The following RIPOR2 variants were observed in gnomAD, a reference collection of about 807,000 sequenced individuals.
RIPOR2 encodes RHO family interacting cell polarization regulator 2, also known as rho family-interacting cell polarization regulator 2.
Under a neutral mutation model 114.5 loss-of-function variants are expected in RIPOR2, and 39 were observed. The ratio of observed to expected loss-of-function variants is 0.34; its 90% CI spans 0.26 to 0.44. The LOEUF (loss-of-function observed/expected upper bound fraction) is 0.44. Among genes scored for constraint, RIPOR2 ranks in the 20% least tolerant of loss-of-function variants. RIPOR2 has a pLI of 1.00. For missense variants in RIPOR2, 1,007 were observed against 1,255.1 expected, an observed-to-expected ratio of 0.80 and a Z score of 2.99; for synonymous variants, 445 against 484.4, an observed-to-expected ratio of 0.92 and a Z score of 1.07.
intron 1 of RIPOR2, chr6:24,910,674 G>A (rs961685424): frequency 1.8e-5 from 6 of 340,690 alleles, no homozygotes; most frequent in Non-Finnish European, 2.5e-5. Context: ...CCACCAGGGT[G>A]GTGGAAGCTG....
chr6:24,866,693 C>G (rs1764640658), intron 6 of RIPOR2, among the ~76,000 whole-genome samples: 1 of 151,962 alleles, frequency 6.6e-6, no homozygotes, highest in Non-Finnish European at 1.5e-5. Flanking sequence ...ATATTTATCT[C>G]TATAAGTCTG....
chr6:24,958,062 A>T (rs2114215495), intron 1 of RIPOR2, among the ~76,000 whole-genome samples: 1 of 152,318 alleles, frequency 6.6e-6, no homozygotes, highest in African/African-American at 2.4e-5. Context: ...ATATAATCTA[A>T]GAGAACAAAA....
At chr6:24,820,869 CTTTTT>C (rs34770819) in intron 19 of RIPOR2, among the ~76,000 whole-genome samples, 3 of 84,060 alleles carry the variant, frequency 3.6e-5, no homozygotes, top group African/African-American at 4.7e-5. Context: ...GTTTAACACT[CTTTTT>C]TTTTTTTTTT....
intron 1 of RIPOR2, among the ~76,000 whole-genome samples, chr6:24,916,142 CT>C (rs536290301): frequency 2.0e-5 from 3 of 152,314 alleles, no homozygotes; most frequent in Admixed American, 2.0e-4. Flanking sequence ...CTGCTTCCAC[CT>C]TTTTCCTCAG....
chr6:24,818,704 G>C (rs573587172), intron 19 of RIPOR2, 79 bp from the exon 20 acceptor site: 9 of 777,694 alleles, frequency 1.2e-5, no homozygotes, highest in African/African-American at 1.0e-4. Flanking sequence ...CTTACTCTCT[G>C]AGATAAACTA....
chr6:24,865,252 C>A, intron 7 of RIPOR2, 49 bp downstream of exon 7: 1 of 1,513,620 alleles, frequency 6.6e-7, no homozygotes, highest in Non-Finnish European at 9.0e-7. Flanking sequence ...CAACAATTCA[C>A]ACCAGGCCAG....
intron 1 of RIPOR2, among the ~76,000 whole-genome samples, chr6:24,955,973 G>T (rs1296145895): frequency 6.9e-6 from 1 of 145,104 alleles, no homozygotes; most frequent in African/African-American, 2.6e-5. Context: ...TGCAGCAACC[G>T]CACTCCAGCC....
chr6:24,910,014 C>T (rs773936450), intron 1 of RIPOR2, among the ~76,000 whole-genome samples: 19 of 152,096 alleles, frequency 1.2e-4, no homozygotes, highest in Middle Eastern at 6.3e-3. Context: ...TGCACCTACT[C>T]CCTTCGAACG....
chr6:24,988,267 C>A (rs1561828812), intron 1 of RIPOR2, among the ~76,000 whole-genome samples: 1 of 152,116 alleles, frequency 6.6e-6, no homozygotes, highest in Non-Finnish European at 1.5e-5. Flanking sequence ...TCGACTGCAA[C>A]CTCCGCCTCC....
At chr6:24,930,091 G>C (rs1771267048) in intron 1 of RIPOR2, among the ~76,000 whole-genome samples, 1 of 152,040 alleles carries the variant, frequency 6.6e-6, no homozygotes, top group South Asian at 2.1e-4. Flanking sequence ...AAATACAGGA[G>C]GCATAGTTAG....
chr6:24,839,096 T>A lies in RIPOR2; in HGVS notation c.2034A>T (p.Lys678Asn). The A allele has an allele frequency of 6.4e-7, 1 of 1,551,018 alleles. No individual in the cohort carries two copies. Among genetic ancestry groups the A allele is most frequent in the Non-Finnish European group, 8.7e-7 (1 of 1,146,466 alleles). Residue 678 changes from lysine (K) to asparagine (N), a missense_variant, in exon 14 of 22, where the codon AAA (lysine) becomes AAT (asparagine). Physicochemically the swap from Lys to Asn is moderately conservative, Grantham distance 94. Transcript: ENST00000643898. ...DSVFSDTETE[K>N]HSYRSVHPEA... ...GACACTAACTTCAGACTTACCTGTG[T>A]TTCTCAGTCTCAGTGTCTGAAAATA...
At position 25,024,202 on chromosome 6, in the gene RIPOR2, C is replaced by A; in HGVS notation, c.76+17649G>T. 3 of 1,464,720 alleles carry A rather than the reference C, an allele frequency of 2.0e-6. No homozygotes were observed. In the South Asian group the frequency reaches 3.4e-5, roughly 17 times the overall value. 90.7% of individuals were successfully genotyped at this position (1,464,720 alleles called of 1,614,324 possible). A position where few individuals can be genotyped will look rare whatever the true frequency, so the allele number is the denominator to read the frequency against. ...TGTTTGCTGGCAATGCAGGGCCTGG[C>A]GAGAAAGGTGCCCAGGAGGTAGCGG... On this transcript the variant is annotated intron_variant, in intron 1 of 13. Coordinates refer to the RIPOR2 transcript ENST00000510784.
rs1780734546 is a variant in RIPOR2, at chr6:24,805,731, T to G, written c.*642A>C. The stretch of plus-strand genomic sequence containing the variant: ...AAGTATCACATGACTATTTCAAGCT[T>G]ATAGAGAAACTTGCAAAAAAGTACA... On this transcript the variant is annotated 3_prime_UTR_variant, in exon 22 of 22. Transcript: ENST00000643898. 1 of 152,076 alleles carries G rather than the reference T, an allele frequency of 6.6e-6. No homozygotes were observed. Among genetic ancestry groups the G allele is most frequent in the African/African-American group, 2.4e-5 (1 of 41,408 alleles). The allele number at this position is 152,076 out of a possible 1,614,324, so 9.4% of individuals were successfully genotyped here.
intron 1 of RIPOR2, chr6:24,976,976 G>A (rs1774087716): frequency 3.2e-6 from 5 of 1,540,412 alleles, no homozygotes; most frequent in African/African-American, 1.4e-5. Flanking sequence ...TGGACAACTC[G>A]AATAAGTTTG....
intron 1 of RIPOR2, among the ~76,000 whole-genome samples, chr6:24,942,543 C>T (rs976127383): frequency 1.3e-4 from 20 of 152,104 alleles, no homozygotes; most frequent in Admixed American, 2.6e-4. Context: ...TGTAAAAGTG[C>T]TCCTATTTCT....
At chr6:24,989,280 A>G (rs1404419394) in intron 1 of RIPOR2, among the ~76,000 whole-genome samples, 1 of 149,790 alleles carries the variant, frequency 6.7e-6, no homozygotes, top group African/African-American at 2.5e-5. Flanking sequence ...TTTTACTTAT[A>G]CTAATTGTAC....
chr6:25,024,546 A>G (rs1776511464), intron 1 of RIPOR2: 1 of 597,762 alleles, frequency 1.7e-6, no homozygotes, highest in Non-Finnish European at 3.1e-6. Flanking sequence ...GGTGCAGTGA[A>G]CCACTCGGGC....
In RIPOR2 at chr6:24,881,136, C is replaced by T. The variant is rs148932947; in HGVS notation, c.62-5319G>A. Reference sequence around the variant, plus strand: ...GCGGGTGCCTGTAATCCCAGCTACTCGGGAGGCTGAGGCAGGAGCATTGCT... The same window carrying T: ...GCGGGTGCCTGTAATCCCAGCTACTTGGGAGGCTGAGGCAGGAGCATTGCT... On this transcript the variant is annotated intron_variant, in intron 1 of 21. Coordinates refer to ENST00000643898, the MANE Select transcript of RIPOR2 (RefSeq NM_001286445.3). Among the ~76,000 whole-genome samples the T allele has an allele frequency of 7.2e-3, 1,098 of 152,120 alleles. 12 individuals are homozygous for T. The highest frequency in any genetic ancestry group is 0.023 in the African/African-American group (954 of 41,480).
intron 1 of RIPOR2, among the ~76,000 whole-genome samples, chr6:24,932,314 C>CTGTGTG (rs58590259): frequency 4.6e-4 from 68 of 149,196 alleles, no homozygotes; most frequent in East Asian, 3.5e-3. Flanking sequence ...AAACTTAAGA[C>CTGTGTG]TGTGTGTGTG....
Sources: allele counts gnomAD v4.1 joint callset (sites outside exome capture counted in the v4.1 genomes callset), GRCh38; gene constraint gnomAD v4.1.1; transcripts MANE v1.5; gene names NCBI Gene and HGNC (gene_info 2026-07-23, HGNC 2026-07-21).